HNF1B: variants seen among roughly 807,000 people sequenced by gnomAD.
HNF1B encodes HNF1 homeobox B, also known as hepatocyte nuclear factor 1-beta.
HNF1B carries 8 observed loss-of-function variants against 61.7 expected under a neutral mutation model. The observed-to-expected ratio is 0.13, with a 90% CI of 0.08 to 0.23. HNF1B has a LOEUF of 0.23. Among genes scored for constraint, HNF1B ranks in the 10% least tolerant of loss-of-function variants. HNF1B has a pLI of 1.00. For missense variants in HNF1B, 562 were observed against 714.5 expected, an observed-to-expected ratio of 0.79 and a Z score of 2.43; for synonymous variants, 314 against 287.7, an observed-to-expected ratio of 1.09 and a Z score of -0.93.
intron 7 of HNF1B, among the ~76,000 whole-genome samples, chr17:37,699,989 A>T (rs2032511242): frequency 6.6e-6 from 1 of 152,180 alleles, no homozygotes; most frequent in Non-Finnish European, 1.5e-5. Flanking sequence ...TGCTTACCAA[A>T]CGCAGTTTAC....
At chr17:37,710,235 C>T (rs149044226) in intron 5 of HNF1B, among the ~76,000 whole-genome samples, 61 of 152,340 alleles carry the variant, frequency 4.0e-4, no homozygotes, top group African/African-American at 1.4e-3. Context: ...CAGTGTCCCA[C>T]CGGGCTTGCT....
At chr17:37,712,103 C>T (rs1302136246) in intron 4 of HNF1B, among the ~76,000 whole-genome samples, 5 of 152,208 alleles carry the variant, frequency 3.3e-5, no homozygotes, top group African/African-American at 1.2e-4. Context: ...AAGAACAAAA[C>T]AAATGCTAAA....
In HNF1B at chr17:37,744,659, C is replaced by A. The variant is rs144425830; in HGVS notation, c.226G>T (p.Gly76Cys). Residue 76 changes from glycine (G) to cysteine (C), a missense_variant, in exon 1 of 9, where the codon GGC becomes TGC. Physicochemically the swap from Gly to Cys is radical, Grantham distance 159. Coordinates refer to ENST00000617811, the MANE Select transcript of HNF1B (RefSeq NM_000458.4). Reference sequence around the variant, plus strand: ...TCGCCGTCCTCGGAGCCCTCGTCGCCGGACAAGCGGCCCTTGGCGTGGCCG... The same window carrying A: ...TCGCCGTCCTCGGAGCCCTCGTCGCAGGACAAGCGGCCCTTGGCGTGGCCG... ...TNGHAKGRLSGDEGSEDGDDY... is the reference protein window; with the variant it reads ...TNGHAKGRLSCDEGSEDGDDY... The A allele has an allele frequency of 4.0e-4, 643 of 1,613,178 alleles. 3 individuals are homozygous for A. Among genetic ancestry groups the A allele is most frequent in the Middle Eastern group, 2.8e-3 (17 of 6,062 alleles).
chr17:37,728,088 G>A (rs991790677), intron 4 of HNF1B, among the ~76,000 whole-genome samples: 7 of 151,752 alleles, frequency 4.6e-5, no homozygotes, highest in Non-Finnish European at 1.0e-4. Flanking sequence ...TCCACTTCCC[G>A]CCTCCCGGGT....
intron 7 of HNF1B, among the ~76,000 whole-genome samples, chr17:37,700,370 G>A (rs1449555249): frequency 6.6e-6 from 1 of 152,224 alleles, no homozygotes; most frequent in African/African-American, 2.4e-5. Flanking sequence ...AATTGGATAT[G>A]AGAAACAGTC....
chr17:37,710,432 T>C (rs1334484352), intron 5 of HNF1B, 71 bp downstream of exon 5: 3 of 1,554,918 alleles, frequency 1.9e-6, no homozygotes, highest in Non-Finnish European at 2.7e-6. Context: ...AGGCAGGCCT[T>C]GTGAGAAGTT....
intron 6 of HNF1B, among the ~76,000 whole-genome samples, chr17:37,703,199 T>C (rs1179895576): frequency 6.6e-6 from 1 of 152,228 alleles, no homozygotes; most frequent in Non-Finnish European, 1.5e-5. Context: ...CTTCTGGTGA[T>C]TCTCACCATT....
chr17:37,705,029 A>ACCT lies in HNF1B; in HGVS notation c.1224_1226dup (p.Gly409dup). On this transcript the variant is annotated inframe_insertion, in exon 6 of 9. Transcript: ENST00000617811. ...TCGTCAAGGTGCTGACTGGGGGCAA[A>ACCT]CCTCCTCCTGAGACTGAGATCTGAT... 1 of 1,613,852 alleles carries ACCT rather than the reference A, an allele frequency of 6.2e-7. No homozygotes were observed. Among genetic ancestry groups the ACCT allele is most frequent in the Non-Finnish European group, 8.5e-7 (1 of 1,179,946 alleles).
At chr17:37,721,113 G>C in intron 4 of HNF1B, among the ~76,000 whole-genome samples, 1 of 152,262 alleles carries the variant, frequency 6.6e-6, no homozygotes, top group African/African-American at 2.4e-5. Flanking sequence ...CAGTGGACAG[G>C]GCCAGAAGGC....
At chr17:37,713,719 AG>A (rs2033012622) in intron 4 of HNF1B, among the ~76,000 whole-genome samples, 2 of 152,206 alleles carry the variant, frequency 1.3e-5, no homozygotes, top group South Asian at 4.2e-4. Context: ...CACTGTGGGG[AG>A]GGGGCCATTG....
chr17:37,720,888 G>A, intron 4 of HNF1B: 1 of 985,402 alleles, frequency 1.0e-6, no homozygotes, highest in Non-Finnish European at 1.2e-6. Context: ...CCTGGCTGTA[G>A]GGTTGTAGAC....
chr17:37,692,502 C>A (rs2032237343), intron 8 of HNF1B, among the ~76,000 whole-genome samples: 1 of 152,274 alleles, frequency 6.6e-6, no homozygotes, highest in Non-Finnish European at 1.5e-5. Context: ...AAAATAACGA[C>A]CTTGCAGAAT....
At chr17:37,700,173 T>C (rs1314688382) in intron 7 of HNF1B, among the ~76,000 whole-genome samples, 1 of 152,122 alleles carries the variant, frequency 6.6e-6, no homozygotes, top group Non-Finnish European at 1.5e-5. Context: ...TGCTTTATAC[T>C]GAACACTTCC....
intron 4 of HNF1B, among the ~76,000 whole-genome samples, chr17:37,726,739 T>G (rs2033511804): frequency 6.6e-6 from 1 of 151,676 alleles, no homozygotes; most frequent in African/African-American, 2.4e-5. Flanking sequence ...AGGAATAGAG[T>G]TCAGCGAAAG....
At chr17:37,710,322 T>C (rs879238161) in intron 5 of HNF1B, among the ~76,000 whole-genome samples, 181 bp downstream of exon 5, 1 of 152,220 alleles carries the variant, frequency 6.6e-6, no homozygotes, top group Admixed American at 6.5e-5. Context: ...ACCGAACACC[T>C]CTTCTACCCG....
At chr17:37,703,977 A>G (rs992308854) in intron 6 of HNF1B, among the ~76,000 whole-genome samples, 3 of 152,256 alleles carry the variant, frequency 2.0e-5, no homozygotes, top group Non-Finnish European at 4.4e-5. Flanking sequence ...CAAGGAAGGT[A>G]AGAGGACAAT....
chr17:37,738,832 C>T (rs2033907975), intron 2 of HNF1B, among the ~76,000 whole-genome samples: 1 of 152,194 alleles, frequency 6.6e-6, no homozygotes, highest in Admixed American at 6.5e-5. Flanking sequence ...GAAATAGCTT[C>T]TTCATGAGCA....
intron 4 of HNF1B, among the ~76,000 whole-genome samples, chr17:37,723,986 G>T (rs2033409901): frequency 6.6e-6 from 1 of 152,174 alleles, no homozygotes; most frequent in Non-Finnish European, 1.5e-5. Flanking sequence ...TGCCTCCATA[G>T]CCTGTAATTT....
chr17:37,724,053 G>A (rs73297531), intron 4 of HNF1B, among the ~76,000 whole-genome samples: 2,446 of 152,258 alleles, frequency 0.016, 62 homozygotes, highest in African/African-American at 0.056. Flanking sequence ...TGTCAAGGCT[G>A]GTGATGGTGA....
Sources: gnomAD v4.1 joint callset for allele counts (sites outside exome capture counted in the v4.1 genomes callset) on GRCh38, gnomAD v4.1.1 for gene constraint, MANE v1.5 for transcripts, NCBI Gene and HGNC (gene_info 2026-07-23, HGNC 2026-07-21) for gene names.